Variants in PDK3 observed in about 807,000 individuals in gnomAD.
PDK3 encodes the protein pyruvate dehydrogenase kinase, isozyme 3.
PDK3 carries 12 observed loss-of-function variants against 32.0 expected under a neutral mutation model. That is an observed-to-expected ratio of 0.37 (90% CI 0.24 to 0.61). The LOEUF is 0.61. PDK3 is among the 20% of genes least tolerant of loss of function. The pLI is 0.65. For missense variants in PDK3, 188 were observed against 316.9 expected, an observed-to-expected ratio of 0.59 and a Z score of 3.09; for synonymous variants, 122 against 116.3, an observed-to-expected ratio of 1.05 and a Z score of -0.31.
chrX:24,523,746 G>A, intron 6 of PDK3, among the ~76,000 whole-genome samples: 1 of 111,342 alleles, frequency 9.0e-6, no homozygotes, highest in African/African-American at 3.3e-5. Flanking sequence ...AGCATTTGGG[G>A]GCCTCTCTGC....
At chrX:24,508,300 C>T (rs1162767290) in intron 5 of PDK3, among the ~76,000 whole-genome samples, 2 of 111,299 alleles carry the variant, frequency 1.8e-5, no homozygotes, top group South Asian at 3.8e-4. Flanking sequence ...AATCTGCCCC[C>T]ATGATCCAAT....
chrX:24,500,909 C>G (rs1287408936), intron 3 of PDK3, among the ~76,000 whole-genome samples: 1 of 111,709 alleles, frequency 9.0e-6, no homozygotes, highest in East Asian at 2.8e-4. Flanking sequence ...CACTTCTCTA[C>G]TATAATGAAT....
intron 1 of PDK3, among the ~76,000 whole-genome samples, chrX:24,471,539 A>G (rs1362888270): frequency 8.9e-6 from 1 of 112,370 alleles, no homozygotes; most frequent in Non-Finnish European, 1.9e-5. Context: ...GGGCAGCGAA[A>G]AGAAGGTTAT....
intron 1 of PDK3, among the ~76,000 whole-genome samples, chrX:24,468,126 A>C (rs1285151248): frequency 8.9e-6 from 1 of 112,002 alleles, no homozygotes; most frequent in Non-Finnish European, 1.9e-5. Context: ...AATTTGTTAC[A>C]ACCTTGATAA....
chrX:24,515,906 G>A (rs1007699874), intron 5 of PDK3, among the ~76,000 whole-genome samples: 6 of 108,932 alleles, frequency 5.5e-5, no homozygotes, highest in African/African-American at 1.7e-4. Context: ...CCTTTTTGCT[G>A]TCCCTCATTA....
chrX:24,498,815 T>C lies in PDK3; in HGVS notation c.249-14T>C. On this transcript the variant is annotated splice_polypyrimidine_tract_variant and intron_variant, in intron 2 of 10. Transcript: ENST00000379162. ...ATAGTAACTCTTCTTTTTCTTTTTT[T>C]TTTTTCCTTTTAGGTATATGCAGAG... The C allele has an allele frequency of 9.6e-7, 1 of 1,041,933 alleles. No individual in the cohort carries two copies. The highest frequency in any genetic ancestry group is 1.3e-6 in the Non-Finnish European group (1 of 768,421). The allele number at this position is 1,041,933 out of a possible 1,213,427, so 85.9% of individuals were successfully genotyped here.
exon 12 of PDK3, among the ~76,000 whole-genome samples, chrX:24,544,601 G>T (rs1461665262): frequency 8.9e-6 from 1 of 112,029 alleles, no homozygotes; most frequent in Admixed American, 9.5e-5. Flanking sequence ...CTCATTAACT[G>T]CCCAGCAGTT....
chrX:24,511,000 A>G (rs1302053938), intron 5 of PDK3, among the ~76,000 whole-genome samples: 1 of 112,276 alleles, frequency 8.9e-6, no homozygotes, highest in Non-Finnish European at 1.9e-5. Context: ...ACCTCCAAGT[A>G]AGACTGAGAG....
At chrX:24,505,084 G>T in intron 4 of PDK3, 125 bp from the exon 5 acceptor site, 1 of 425,514 alleles carries the variant, frequency 2.4e-6, no homozygotes, top group Non-Finnish European at 4.1e-6. Flanking sequence ...CTAAGTTGCT[G>T]TGGATGCTAA....
chrX:24,482,849 C>T (rs1366287609), intron 1 of PDK3, among the ~76,000 whole-genome samples: 1 of 112,338 alleles, frequency 8.9e-6, no homozygotes, highest in African/African-American at 3.2e-5. Context: ...ATCACTTAAT[C>T]CCACTACACT....
In PDK3 at chrX:24,508,586, A is replaced by G. The variant is rs1922040193; in HGVS notation, c.595+3288A>G. Among the ~76,000 whole-genome samples the G allele has an allele frequency of 2.7e-5, 3 of 111,520 alleles. No individual in the cohort carries two copies. In the Admixed American group the frequency reaches 2.9e-4, roughly 11 times the overall value. On this transcript the variant is annotated intron_variant, in intron 5 of 10. Transcript: ENST00000379162. ...TGCTAAAGTGAGTCAGAGGTGTCAG[A>G]GTGTGAGGAGGAATCGACTGTGATT... is the stretch of plus-strand genomic sequence containing the variant.
At chrX:24,510,834 C>T (rs929680780) in intron 5 of PDK3, among the ~76,000 whole-genome samples, 31 of 111,947 alleles carry the variant, frequency 2.8e-4, no homozygotes, top group African/African-American at 1.0e-3. Flanking sequence ...CTTTTTCTAC[C>T]CTGGCAAATG....
chrX:24,494,948 C>T (rs1921664380), intron 2 of PDK3, 65 bp downstream of exon 2: 1 of 1,022,376 alleles, frequency 9.8e-7, no homozygotes, highest in Admixed American at 2.5e-5. Flanking sequence ...GCAGCGAGAC[C>T]ATTCTCTGTA....
intron 1 of PDK3, among the ~76,000 whole-genome samples, chrX:24,478,914 G>T (rs925663639): frequency 5.3e-5 from 6 of 112,164 alleles, no homozygotes; most frequent in African/African-American, 1.6e-4. Flanking sequence ...TAGTCTCACT[G>T]TTGGGAAGAA....
exon 12 of PDK3, among the ~76,000 whole-genome samples, chrX:24,541,438 G>A (rs182836178): frequency 1.8e-5 from 2 of 111,025 alleles, no homozygotes; most frequent in Non-Finnish European, 3.8e-5. Flanking sequence ...TGGATAATAT[G>A]GTGTAGAAAA....
At chrX:24,494,154 T>C (rs1292444048) in intron 1 of PDK3, among the ~76,000 whole-genome samples, 1 of 111,863 alleles carries the variant, frequency 8.9e-6, no homozygotes, top group African/African-American at 3.2e-5. Flanking sequence ...CAGGAGATAG[T>C]TTCTCTGGCA....
At chrX:24,468,414 G>T (rs1424172521) in intron 1 of PDK3, among the ~76,000 whole-genome samples, 2 of 111,874 alleles carry the variant, frequency 1.8e-5, no homozygotes, top group Admixed American at 9.5e-5. Context: ...CATGTCTCCA[G>T]TCATTGCCAA....
intron 1 of PDK3, among the ~76,000 whole-genome samples, chrX:24,479,381 T>A: frequency 8.9e-6 from 1 of 112,256 alleles, no homozygotes; most frequent in South Asian, 3.7e-4. Context: ...GCTTCTTTTG[T>A]TAGAGCTCCT....
chrX:24,465,491 G>T lies in PDK3; in HGVS notation c.36G>T (p.Val12=). Residue 12 remains valine, a synonymous_variant, in exon 1 of 11, where the codon GTG becomes GTT. Transcript: ENST00000379162. The part of the protein sequence containing the change: ...RLFRWLLKQP[V]PKQIERYSRF... ...TCCGGTGGCTGCTGAAGCAGCCGGT[G>T]CCCAAGCAGATCGAGCGCTACTCGC... is the stretch of plus-strand genomic sequence containing the variant. 8.3e-7 allele frequency: 1 copy of T among 1,209,972 alleles called. No homozygotes were observed.
Sources: allele counts gnomAD v4.1 joint callset (sites outside exome capture counted in the v4.1 genomes callset), GRCh38; gene constraint gnomAD v4.1.1; transcripts MANE v1.5; gene names NCBI Gene and HGNC (gene_info 2026-07-23, HGNC 2026-07-21).